CIMIP7: variants seen among roughly 807,000 people sequenced by gnomAD.
CIMIP7 encodes ciliary microtubule inner protein 7.
At chr3:49,177,815 A>G in the CIMIP7 span, 1 of 1,612,818 alleles carries the variant, frequency 6.2e-7, no homozygotes, top group Non-Finnish European at 8.5e-7. Flanking sequence ...GGGCAGCAGA[A>G]GTTCTGCTGG....
chr3:49,190,030 A>T, the CIMIP7 span: 14 of 1,613,068 alleles, frequency 8.7e-6, no homozygotes, highest in African/African-American at 1.3e-5. Context: ...TGTACCTGAC[A>T]TCGCTGCAGG....
At chr3:49,178,067 G>A in the CIMIP7 span, 1 of 1,568,046 alleles carries the variant, frequency 6.4e-7, no homozygotes, top group Non-Finnish European at 8.6e-7. Flanking sequence ...TCAACGGTAT[G>A]GGCCCTTGGC....
chr3:49,186,062 G>A, the CIMIP7 span, among the ~76,000 whole-genome samples: 3 of 143,790 alleles, frequency 2.1e-5, no homozygotes, highest in African/African-American at 7.8e-5. Flanking sequence ...GTGCAATGGC[G>A]CAATCTCGGC....
chr3:49,177,935 G>A, the CIMIP7 span: 4 of 1,613,794 alleles, frequency 2.5e-6, no homozygotes, highest in Admixed American at 6.7e-5. Context: ...GAAGATTCCA[G>A]GGGCCCCTGC....
At chr3:49,187,239 C>T in the CIMIP7 span, among the ~76,000 whole-genome samples, 42 of 152,320 alleles carry the variant, frequency 2.8e-4, 1 homozygote, top group East Asian at 7.9e-3. Flanking sequence ...TCACTAGCAT[C>T]TTTGTTTCTT....
chr3:49,184,320 T>G, the CIMIP7 span, among the ~76,000 whole-genome samples: 1 of 151,786 alleles, frequency 6.6e-6, no homozygotes, highest in Admixed American at 6.5e-5. Context: ...TTCAATTTTA[T>G]TTAATTTAAT....
chr3:49,180,852 C>A, the CIMIP7 span, among the ~76,000 whole-genome samples: 1 of 146,068 alleles, frequency 6.8e-6, no homozygotes, highest in African/African-American at 2.6e-5. Context: ...ATGGCGTGAA[C>A]CCGGGAGGTG....
the CIMIP7 span, among the ~76,000 whole-genome samples, chr3:49,188,192 G>A: frequency 2.0e-5 from 3 of 152,232 alleles, no homozygotes; most frequent in Non-Finnish European, 4.4e-5. Flanking sequence ...GGCAGCCCTT[G>A]CAAGTGTATA....
At chr3:49,190,258 T>G in the CIMIP7 span, 4 of 642,496 alleles carry the variant, frequency 6.2e-6, no homozygotes, top group Non-Finnish European at 1.1e-5. Context: ...TGGAAGTTCC[T>G]GACAGAATAG....
chr3:49,178,781 C>T, the CIMIP7 span, among the ~76,000 whole-genome samples: 1 of 152,116 alleles, frequency 6.6e-6, no homozygotes, highest in Admixed American at 6.5e-5. Context: ...GAGGAGGGTC[C>T]TCAATAAGGA....
chr3:49,184,112 C>T, the CIMIP7 span, among the ~76,000 whole-genome samples: 14 of 152,182 alleles, frequency 9.2e-5, no homozygotes, highest in Non-Finnish European at 1.9e-4. Flanking sequence ...ATCCTCCTAC[C>T]TCAGCCTCTG....
At chr3:49,191,704 A>G in the CIMIP7 span, 2 of 1,589,996 alleles carry the variant, frequency 1.3e-6, no homozygotes, top group Non-Finnish European at 1.7e-6. Context: ...AGGTACAACC[A>G]GAGGGCCAGG....
chr3:49,181,042 C>A, the CIMIP7 span, among the ~76,000 whole-genome samples: 1 of 151,518 alleles, frequency 6.6e-6, no homozygotes, highest in Non-Finnish European at 1.5e-5. Context: ...AGCTTTCATT[C>A]CTCAAAATGC....
At chr3:49,190,877 C>A in the CIMIP7 span, among the ~76,000 whole-genome samples, 3 of 151,976 alleles carry the variant, frequency 2.0e-5, no homozygotes, top group African/African-American at 7.3e-5. Flanking sequence ...CCATGTTGGC[C>A]AGGCTGGTCT....
the CIMIP7 span, among the ~76,000 whole-genome samples, chr3:49,184,416 G>A: frequency 6.6e-6 from 1 of 152,150 alleles, no homozygotes; most frequent in South Asian, 2.1e-4. Flanking sequence ...CCACCTCCCA[G>A]GTTCAAGAGG....
At chr3:49,179,684 AC>A in the CIMIP7 span, among the ~76,000 whole-genome samples, 1 of 152,002 alleles carries the variant, frequency 6.6e-6, no homozygotes, top group Non-Finnish European at 1.5e-5. Flanking sequence ...CTGCTAACAT[AC>A]TATATTGTTC....
the CIMIP7 span, among the ~76,000 whole-genome samples, chr3:49,180,963 T>G: frequency 6.7e-6 from 1 of 149,954 alleles, no homozygotes; most frequent in Non-Finnish European, 1.5e-5. Context: ...AGTTCCCTTT[T>G]TAGAACCGCC....
the CIMIP7 span, among the ~76,000 whole-genome samples, chr3:49,187,993 A>C: frequency 6.6e-6 from 1 of 152,256 alleles, no homozygotes; most frequent in Non-Finnish European, 1.5e-5. Flanking sequence ...GAATGAGTTT[A>C]ACAGATTGAT....
At chr3:49,180,275 T>G in the CIMIP7 span, among the ~76,000 whole-genome samples, 1 of 151,940 alleles carries the variant, frequency 6.6e-6, no homozygotes, top group Non-Finnish European at 1.5e-5. Flanking sequence ...AAAAAATTAA[T>G]GAACAGGGAC....
Sources: allele counts gnomAD v4.1 joint callset (sites outside exome capture counted in the v4.1 genomes callset), GRCh38; gene constraint gnomAD v4.1.1; transcripts MANE v1.5; gene names NCBI Gene and HGNC (gene_info 2026-07-23, HGNC 2026-07-21).